Variants in OR7G2 observed in about 807,000 individuals in gnomAD.
OR7G2 encodes olfactory receptor 7G2.
For missense variants in OR7G2, 362 were observed against 384.0 expected, an observed-to-expected ratio of 0.94 and a Z score of 0.48; for synonymous variants, 153 against 152.2, an observed-to-expected ratio of 1.01 and a Z score of -0.04.
Position 9,102,625 on chromosome 19 carries a change from C to CA in OR7G2, c.618dup (p.Gly207TrpfsTer55), listed in dbSNP as rs775338274. The CA allele has an allele frequency of 6.2e-7, 1 of 1,614,150 alleles. No homozygotes were observed. The highest frequency in any genetic ancestry group is 8.5e-7 in the Non-Finnish European group (1 of 1,180,030). On this transcript the variant is annotated frameshift_variant, in exon 2 of 2. Transcript: ENST00000641081. LOFTEE classifies it low-confidence loss of function (END_TRUNC). ...ATGATTCCAGACAGAGGAACACCAC[C>CA]AAATATGCAAGCTGCAAAATATATC...
In OR7G2 at chr19:9,100,720, C is replaced by T. The variant is rs961350066; in HGVS notation, c.*1549G>A. ...TACCAGTGACTGGTCCCAGTAGTTA[C>T]TAAATTGGGTATGAAAACTTAGCTC... On this transcript the variant is annotated 3_prime_UTR_variant, in exon 2 of 2. Coordinates refer to ENST00000641081, the MANE Select transcript of OR7G2 (RefSeq NM_001005193.2). 6.6e-6 allele frequency: 1 copy of T among 152,144 alleles called. No homozygotes were observed. Among genetic ancestry groups the T allele is most frequent in the Admixed American group, 6.6e-5 (1 of 15,262 alleles). The allele number at this position is 152,144 out of a possible 1,614,324, so 9.4% of individuals were successfully genotyped here.
chr19:9,102,511 G>C lies in OR7G2; in HGVS notation c.733C>G (p.Leu245Val). ...CCATAGAACAAGAGAACAATGGAGA[G>C]GTGAGACCCACAGGTGGAAACTGCT... ...HKAVSTCGSH[L>V]SIVLLFYGAG... Residue 245 changes from leucine to valine, a missense_variant, in exon 2 of 2, where the codon CTC becomes GTC. Transcript: ENST00000641081. 1 of 1,614,152 alleles carries C rather than the reference G, an allele frequency of 6.2e-7. No homozygotes were observed.
Position 9,102,497 on chromosome 19 carries a change from G to C in OR7G2, c.747C>G (p.Leu249=), listed in dbSNP as rs1019241648. 6.2e-7 allele frequency: 1 copy of C among 1,614,112 alleles called. No individual in the cohort carries two copies. Among genetic ancestry groups the C allele is most frequent in the Admixed American group, 1.7e-5 (1 of 59,996 alleles). ...CCCCCAAACCTGCCCCATAGAACAA[G>C]AGAACAATGGAGAGGTGAGACCCAC... ...STCGSHLSIV[L]LFYGAGLGVY... The change falls in exon 2 of 2, where the codon CTC becomes CTG. Residue 249 remains leucine (L), a synonymous_variant. Coordinates refer to ENST00000641081, the MANE Select transcript of OR7G2 (RefSeq NM_001005193.2).
In OR7G2 at chr19:9,102,281, C is replaced by T. The variant is rs1357238665; in HGVS notation, c.963G>A (p.Arg321=). The T allele has an allele frequency of 1.0e-5, 16 of 1,601,184 alleles. No individual in the cohort carries two copies. The highest frequency in any genetic ancestry group is 1.3e-5 in the Non-Finnish European group (15 of 1,174,080). The change falls in exon 2 of 2, where the codon AGG becomes AGA. Residue 321 remains arginine, a synonymous_variant. Transcript: ENST00000641081. ...LLWCAICFGF[R]FLE is the part of the protein sequence containing the mutation. ...CTGTCACTTTGACTTACTCTAGAAA[C>T]CTGAATCCAAAGCAAATGGCACACC... is the stretch of plus-strand genomic sequence containing the variant.
rs530319049 is a variant in OR7G2, at chr19:9,101,911, G to C, written c.*358C>G. ...ATTTTAGAAGAACTTGGTGATGAAAGAGTCAGGCAGGCTGGGCGCATTGTC... is the reference window on the plus strand; with the variant it reads ...ATTTTAGAAGAACTTGGTGATGAAACAGTCAGGCAGGCTGGGCGCATTGTC... On this transcript the variant is annotated 3_prime_UTR_variant, in exon 2 of 2. Coordinates refer to ENST00000641081, the MANE Select transcript of OR7G2 (RefSeq NM_001005193.2). 28 of 178,752 alleles carry C rather than the reference G, an allele frequency of 1.6e-4. No homozygotes were observed. In the South Asian group the frequency reaches 4.5e-3, roughly 29 times the overall value. 11.1% of individuals were successfully genotyped at this position (178,752 alleles called of 1,614,324 possible).
chr19:9,103,043 G>A lies in OR7G2; in HGVS notation c.201C>T (p.Ser67=). The part of the protein sequence containing the change: ...TPMYFFLSNL[S]FLDICLSTTT... Reference sequence around the variant, plus strand: ...TTGTGCTTAAACAAATGTCCAAAAAGGAGAGATTGGAGAGGAAGAAGTACA... The same window carrying A: ...TTGTGCTTAAACAAATGTCCAAAAAAGAGAGATTGGAGAGGAAGAAGTACA... The change falls in exon 2 of 2, where the codon TCC becomes TCT. Residue 67 remains serine, a synonymous_variant. Coordinates refer to ENST00000641081, the MANE Select transcript of OR7G2 (RefSeq NM_001005193.2). 1 of 1,614,086 alleles carries A rather than the reference G, an allele frequency of 6.2e-7. No individual in the cohort carries two copies. The highest frequency in any genetic ancestry group is 8.5e-7 in the Non-Finnish European group (1 of 1,180,022).
chr19:9,102,602 G>A lies in OR7G2; in HGVS notation c.642C>T (p.Ile214=), dbSNP rs1365468666. 1 of 1,614,050 alleles carries A rather than the reference G, an allele frequency of 6.2e-7. No individual in the cohort carries two copies. The highest frequency in any genetic ancestry group is 1.3e-5 in the African/African-American group (1 of 74,922). ...CIFGGVPLSG[I]ILSYTQITSC... ...AGGTGATCTGAGTGTAAGACAAAAT[G>A]ATTCCAGACAGAGGAACACCACCAA... The change falls in exon 2 of 2, where the codon ATC becomes ATT. Residue 214 remains isoleucine (I), a synonymous_variant. Coordinates refer to ENST00000641081, the MANE Select transcript of OR7G2 (RefSeq NM_001005193.2).
chr19:9,106,998 G>A (rs880249), intron 1 of OR7G2, among the ~76,000 whole-genome samples: 44,317 of 151,752 alleles, frequency 0.29, 7,262 homozygotes, highest in East Asian at 0.59. Context: ...GGCCAGGAGT[G>A]TAAGACCAGC....
intron 1 of OR7G2, among the ~76,000 whole-genome samples, chr19:9,106,975 C>T (rs1334848854): frequency 2.0e-5 from 3 of 151,838 alleles, no homozygotes; most frequent in Admixed American, 6.6e-5. Flanking sequence ...GAGGCTGAGG[C>T]GGGAGTACAA....
Position 9,102,873 on chromosome 19 carries a change from A to G in OR7G2, c.371T>C (p.Val124Ala), listed in dbSNP as rs2050362978. 6.2e-7 allele frequency: 1 copy of G among 1,614,058 alleles called. No individual in the cohort carries two copies. The highest frequency in any genetic ancestry group is 1.3e-5 in the African/African-American group (1 of 75,054). Residue 124 changes from valine (V) to alanine (A), a missense_variant, in exon 2 of 2, where the codon GTG becomes GCG. Val to Ala is a moderately conservative substitution (Grantham distance 64). Transcript: ENST00000641081. ...GTATCTAAGGGGGTGACAAATGGCCACATAGCGGTCATAGGCCATTGCTGC... is the reference window on the plus strand; with the variant it reads ...GTATCTAAGGGGGTGACAAATGGCCGCATAGCGGTCATAGGCCATTGCTGC... ...LLAAMAYDRY[V>A]AICHPLRYTV...
At chr19:9,104,829 AAAAC>A (rs1191629209) in intron 1 of OR7G2, among the ~76,000 whole-genome samples, 7 of 152,110 alleles carry the variant, frequency 4.6e-5, no homozygotes, top group Non-Finnish European at 7.4e-5. Flanking sequence ...TCCATCTCAA[AAAAC>A]AAACAAACAA....
At chr19:9,105,839 T>C (rs1420384384) in intron 1 of OR7G2, among the ~76,000 whole-genome samples, 1 of 142,642 alleles carries the variant, frequency 7.0e-6, no homozygotes, top group Non-Finnish European at 1.5e-5. Flanking sequence ...AGAGTGACAC[T>C]CTGTCTTAAA....
chr19:9,103,349 C>G (rs1382005916), intron 1 of OR7G2, 90 bp from the exon 2 acceptor site: 1 of 1,293,108 alleles, frequency 7.7e-7, no homozygotes, highest in Admixed American at 1.9e-5. Context: ...GCTCCCCTCC[C>G]CAGACTTCTT....
chr19:9,102,989 G>C lies in OR7G2; in HGVS notation c.255C>G (p.Ile85Met), dbSNP rs1411719366. ...TTTIPKMLVN[I>M]QAQNRSITYS... ...ACGTGATGCTCCGATTCTGAGCTTG[G>C]ATGTTCACCAGCATCTTTGGGATCG... Residue 85 changes from isoleucine (I) to methionine (M), a missense_variant, in exon 2 of 2, where the codon ATC becomes ATG. Physicochemically the swap from Ile to Met is conservative, Grantham distance 10. Coordinates refer to ENST00000641081, the MANE Select transcript of OR7G2 (RefSeq NM_001005193.2). 6.2e-7 allele frequency: 1 copy of C among 1,614,072 alleles called. No homozygotes were observed. The highest frequency in any genetic ancestry group is 8.5e-7 in the Non-Finnish European group (1 of 1,180,042).
intron 1 of OR7G2, among the ~76,000 whole-genome samples, chr19:9,105,834 G>C (rs2050382600): frequency 6.8e-6 from 1 of 146,996 alleles, no homozygotes; most frequent in South Asian, 2.1e-4. Context: ...GTGACAGAGT[G>C]ACACTCTGTC....
chr19:9,102,769 G>A lies in OR7G2; in HGVS notation c.475C>T (p.Leu159Phe). Reference protein sequence around the residue: ...LLTSVVNALLLSLMVLRLSFC... With the variant: ...LLTSVVNALLFSLMVLRLSFC... ...GACAGCCTCAACACCATCAGGCTGA[G>A]AAGAAGGGCATTCACAACACTAGTC... is the stretch of plus-strand genomic sequence containing the variant. The change falls in exon 2 of 2, where the codon CTC becomes TTC. Residue 159 changes from leucine to phenylalanine, a missense_variant. Transcript: ENST00000641081. The A allele has an allele frequency of 6.2e-7, 1 of 1,614,110 alleles. No homozygotes were observed. Among genetic ancestry groups the A allele is most frequent in the Non-Finnish European group, 8.5e-7 (1 of 1,180,022 alleles).
chr19:9,105,170 A>G (rs1438339849), intron 1 of OR7G2, among the ~76,000 whole-genome samples: 2 of 151,692 alleles, frequency 1.3e-5, no homozygotes, highest in African/African-American at 2.4e-5. Flanking sequence ...GGGTTTCACT[A>G]TCTTAGCCAG....
At position 9,102,355 on chromosome 19, in the gene OR7G2, T is replaced by G. The variant is rs200859207; in HGVS notation, c.889A>C (p.Met297Leu). The G allele has an allele frequency of 6.2e-7, 1 of 1,613,998 alleles. No individual in the cohort carries two copies. Among genetic ancestry groups the G allele is most frequent in the Admixed American group, 1.7e-5 (1 of 60,008 alleles). Residue 297 changes from methionine (M) to leucine (L), a missense_variant, in exon 2 of 2, where the codon ATG becomes CTG. Met to Leu is a conservative substitution (Grantham distance 15). Transcript: ENST00000641081. ...PFIYSLRNKDMKGTLRKFIGR... is the reference protein window; with the variant it reads ...PFIYSLRNKDLKGTLRKFIGR... ...ATGAACTTCCTCAAGGTTCCTTTCA[T>G]GTCCTTATTCCTCAGACTATAGATA...
chr19:9,103,148 C>T lies in OR7G2; in HGVS notation c.96G>A (p.Leu32=). ...CCAGGATGGTGACCAAGTACATGGA[C>T]AGGAACAGGCTGAAAAGGACGGGCT... ...ELQPVLFSLF[L]SMYLVTILGN... Residue 32 remains leucine, a synonymous_variant, in exon 2 of 2, where the codon CTG becomes CTA. Transcript: ENST00000641081. The T allele has an allele frequency of 1.9e-6, 3 of 1,614,102 alleles. No individual in the cohort carries two copies. The highest frequency in any genetic ancestry group is 1.7e-6 in the Non-Finnish European group (2 of 1,180,030).
Sources: gnomAD v4.1 joint callset for allele counts (sites outside exome capture counted in the v4.1 genomes callset) on GRCh38, gnomAD v4.1.1 for gene constraint, MANE v1.5 for transcripts, NCBI Gene and HGNC (gene_info 2026-07-23, HGNC 2026-07-21) for gene names.